The following SKI variants were observed in gnomAD, a reference collection of about 807,000 sequenced individuals.
SKI encodes ski oncogene.
A neutral mutation model predicts 59.3 loss-of-function variants in SKI; 23 were observed. The ratio of observed to expected loss-of-function variants is 0.39; its 90% CI spans 0.28 to 0.55. The LOEUF (loss-of-function observed/expected upper bound fraction) is 0.55, where lower values mean the gene tolerates loss of function less well. Among genes scored for constraint, SKI ranks in the 20% least tolerant of loss-of-function variants. SKI has a pLI of 0.67. For missense variants in SKI, 1,017 were observed against 1,038.9 expected (o/e 0.98, Z 0.29); for synonymous variants, 673 against 488.6 (o/e 1.38, Z -4.98).
At position 2,303,965 on chromosome 1, in the gene SKI, T is replaced by C; in HGVS notation, c.1337T>C (p.Leu446Pro). 6.2e-7 allele frequency: 1 copy of C among 1,612,278 alleles called. No individual in the cohort carries two copies. Among genetic ancestry groups the C allele is most frequent in the African/African-American group, 1.3e-5 (1 of 75,040 alleles). ...AAAVSRAPEP[L>P]ATCTQPRKRK... ...GCCGTCTCCCGGGCCCCCGAGCCTC[T>C]CGCCACTTGCACCCAGCCTCGGAAG... The change falls in exon 4 of 7, where the codon CTC (leucine) becomes CCC (proline). Residue 446 changes from leucine to proline, a missense_variant. By Grantham distance (98) the Leu-to-Pro change is moderately conservative. Transcript: ENST00000378536. The surrounding 1 kb of genome is among the most constrained non-coding windows in gnomAD (Gnocchi z 5.6).
At chr1:2,247,403 C>T (rs1308896048) in intron 1 of SKI, among the ~76,000 whole-genome samples, 1 of 152,198 alleles carries the variant, frequency 6.6e-6, no homozygotes, top group Non-Finnish European at 1.5e-5. Context: ...CTTCTCCCTC[C>T]TTTCTTCTGG....
intron 1 of SKI, among the ~76,000 whole-genome samples, chr1:2,239,434 G>C (rs1638817426): frequency 6.6e-6 from 1 of 152,364 alleles, no homozygotes; most frequent in African/African-American, 2.4e-5. Context: ...CACTGGCTGG[G>C]GTGGGGACCT....
chr1:2,301,964 C>T (rs932303379), intron 1 of SKI, among the ~76,000 whole-genome samples: 4 of 152,232 alleles, frequency 2.6e-5, no homozygotes, highest in East Asian at 1.9e-4. Flanking sequence ...GCCCATTTTA[C>T]GGAGACTGCC....
At position 2,304,479 on chromosome 1, in the gene SKI, A is replaced by C; in HGVS notation, c.1661A>C (p.Asp554Ala). Residue 554 changes from aspartate (D) to alanine (A), a missense_variant, in exon 5 of 7, where the codon GAC (aspartate) becomes GCC (alanine). Coordinates refer to ENST00000378536, the MANE Select transcript of SKI (RefSeq NM_003036.4). ...CGGCAGGCACTGGAGGGCGGCCTGG[A>C]CACCAAGGAAGCCAAAGAGAAGTTC... ...HLRQALEGGL[D>A]TKEAKEKFLH... 1 of 1,576,546 alleles carries C rather than the reference A, an allele frequency of 6.3e-7. No individual in the cohort carries two copies. Among genetic ancestry groups the C allele is most frequent in the Non-Finnish European group, 8.6e-7 (1 of 1,162,718 alleles).
At chr1:2,302,929 C>T (rs1430377134) in intron 1 of SKI, 49 bp from the exon 2 acceptor site, 4 of 1,612,690 alleles carry the variant, frequency 2.5e-6, no homozygotes, top group South Asian at 2.2e-5. Context: ...GGTGGAGGGA[C>T]CCTGCCCTGG....
chr1:2,274,245 TA>T (rs1416141019), intron 1 of SKI, among the ~76,000 whole-genome samples: 1 of 152,198 alleles, frequency 6.6e-6, no homozygotes, highest in Non-Finnish European at 1.5e-5. Flanking sequence ...ATTGGTTAAA[TA>T]AAGACACAAA....
At chr1:2,263,939 G>A (rs949141508) in intron 1 of SKI, among the ~76,000 whole-genome samples, 20 of 151,932 alleles carry the variant, frequency 1.3e-4, no homozygotes, top group Non-Finnish European at 2.8e-4. Context: ...ACTTTGGGAG[G>A]CCAAGGCAGG....
intron 1 of SKI, among the ~76,000 whole-genome samples, chr1:2,278,641 G>T (rs1253891572): frequency 6.6e-6 from 1 of 151,902 alleles, no homozygotes; most frequent in African/African-American, 2.4e-5. Flanking sequence ...GAGAAGGGTG[G>T]GGTCTCTCTG....
In SKI at chr1:2,228,848, T is replaced by C; in HGVS notation, c.82T>C (p.Ser28Pro). 7.0e-7 allele frequency: 1 copy of C among 1,422,632 alleles called. No homozygotes were observed. Among genetic ancestry groups the C allele is most frequent in the East Asian group, 3.2e-5 (1 of 31,004 alleles). The allele number at this position is 1,422,632 out of a possible 1,614,324, so 88.1% of individuals were successfully genotyped here. Reference sequence around the variant, plus strand: ...GACGCTGGAGCAGTTCCACCTGAGCTCCATGAGCTCGCTGGGCGGCCCGGC... The same window carrying C: ...GACGCTGGAGCAGTTCCACCTGAGCCCCATGAGCTCGCTGGGCGGCCCGGC... ...QKTLEQFHLS[S>P]MSSLGGPAAF... Residue 28 changes from serine to proline, a missense_variant, in exon 1 of 7, where the codon TCC becomes CCC. Ser to Pro is a moderately conservative substitution (Grantham distance 74, BLOSUM62 -1). Transcript: ENST00000378536.
rs755258323 is a variant in SKI, at chr1:2,304,593, G to A, written c.1767+8G>A. ...AAGCGCAGCCTCCACCAGGTGAGCG[G>A]GGCGAGTGGTGCTGGGAGGTCCAGG... On this transcript the variant is annotated splice_region_variant and intron_variant, in intron 5 of 6. Transcript: ENST00000378536. 1.3e-6 allele frequency: 2 copies of A among 1,545,452 alleles called. No individual in the cohort carries two copies. The highest frequency in any genetic ancestry group is 1.7e-6 in the Non-Finnish European group (2 of 1,144,114).
chr1:2,228,973 G>C lies in SKI; in HGVS notation c.207G>C (p.Glu69Asp). The C allele has an allele frequency of 6.9e-7, 1 of 1,454,636 alleles. No homozygotes were observed. Among genetic ancestry groups the C allele is most frequent in the Admixed American group, 2.4e-5 (1 of 40,864 alleles). 90.1% of individuals were successfully genotyped at this position (1,454,636 alleles called of 1,614,324 possible). A position where few individuals can be genotyped will look rare whatever the true frequency, so the allele number is the denominator to read the frequency against. Residue 69 changes from glutamate to aspartate, a missense_variant, in exon 1 of 7, where the codon GAG (glutamate) becomes GAC (aspartate). By Grantham distance (45) the Glu-to-Asp change is conservative (BLOSUM62 2). Transcript: ENST00000378536. ...CGGCGCCGGTGCCCGCAGCCACCGAGCCGCCGCCCGTGCTGCACCTGCCCG... is the reference window on the plus strand; with the variant it reads ...CGGCGCCGGTGCCCGCAGCCACCGACCCGCCGCCCGTGCTGCACCTGCCCG... ...AVPAPVPAAT[E>D]PPPVLHLPAI... is the part of the protein sequence containing the mutation.
At chr1:2,300,397 G>A (rs936890081) in intron 1 of SKI, among the ~76,000 whole-genome samples, 12 of 151,734 alleles carry the variant, frequency 7.9e-5, no homozygotes, top group African/African-American at 2.9e-4. Flanking sequence ...GAAGCCCCAG[G>A]AAGGGTCACA....
chr1:2,273,920 C>T (rs75002530), intron 1 of SKI, among the ~76,000 whole-genome samples: 4,596 of 152,218 alleles, frequency 0.03, 96 homozygotes, highest in Non-Finnish European at 0.045. Flanking sequence ...CACTCACTGC[C>T]CTGGCTGGAA....
intron 1 of SKI, among the ~76,000 whole-genome samples, chr1:2,241,407 C>CT (rs1638867251): frequency 6.6e-6 from 1 of 151,182 alleles, no homozygotes; most frequent in Admixed American, 6.6e-5. Flanking sequence ...TTTTTTTTTT[C>CT]TTTGAGACTG....
At chr1:2,295,939 G>T (rs369893313) in intron 1 of SKI, among the ~76,000 whole-genome samples, 1 of 152,140 alleles carries the variant, frequency 6.6e-6, no homozygotes, top group African/African-American at 2.4e-5. Flanking sequence ...CTGCGTGTAC[G>T]CCGAGGACTG....
chr1:2,294,748 C>T (rs879571735), intron 1 of SKI, among the ~76,000 whole-genome samples: 2 of 152,248 alleles, frequency 1.3e-5, no homozygotes, highest in Non-Finnish European at 2.9e-5. Context: ...TTTTTGTCTC[C>T]CCGAGAGCCA....
At position 2,307,694 on chromosome 1, in the gene SKI, T is replaced by G. The variant is rs1472018268; in HGVS notation, c.*929T>G. 6.6e-6 allele frequency: 1 copy of G among 152,476 alleles called. No individual in the cohort carries two copies. The highest frequency in any genetic ancestry group is 1.5e-5 in the Non-Finnish European group (1 of 68,046). 9.4% of individuals were successfully genotyped at this position (152,476 alleles called of 1,614,324 possible). ...AAAAGAGCATTATTTCAATTTTTCTTTCTTTTTTTTTGTTCGTTCATTTAA... is the reference window on the plus strand; with the variant it reads ...AAAAGAGCATTATTTCAATTTTTCTGTCTTTTTTTTTGTTCGTTCATTTAA... On this transcript the variant is annotated 3_prime_UTR_variant, in exon 7 of 7. Coordinates refer to ENST00000378536, the MANE Select transcript of SKI (RefSeq NM_003036.4).
At chr1:2,243,258 C>T (rs115554039) in intron 1 of SKI, among the ~76,000 whole-genome samples, 104 of 152,374 alleles carry the variant, frequency 6.8e-4, no homozygotes, top group African/African-American at 2.4e-3. Flanking sequence ...ACACATCACA[C>T]GGGCTTCGTG....
intron 1 of SKI, among the ~76,000 whole-genome samples, chr1:2,241,628 C>G (rs936884553): frequency 6.6e-6 from 1 of 152,130 alleles, no homozygotes. Context: ...CTCCTGACCT[C>G]GCGATCCGCC....
Sources: allele counts gnomAD v4.1 joint callset (sites outside exome capture counted in the v4.1 genomes callset), GRCh38; gene constraint gnomAD v4.1.1; non-coding constraint Gnocchi (gnomAD v3.1); transcripts MANE v1.5; gene names NCBI Gene and HGNC (gene_info 2026-07-23, HGNC 2026-07-21).